The following WDR41 variants were observed in gnomAD, a reference collection of about 807,000 sequenced individuals.
WDR41 encodes WD repeat domain 41.
In WDR41, 63 loss-of-function variants were observed where a neutral mutation model predicts 69.3. The ratio of observed to expected loss-of-function variants is 0.91; its 90% confidence interval spans 0.74 to 1.12. The LOEUF (loss-of-function observed/expected upper bound fraction) is 1.12. WDR41 is among the 50% of genes most tolerant of loss of function. The pLI is 0.00. For missense variants in WDR41, 543 were observed against 534.5 expected (o/e 1.02, Z -0.16); for synonymous variants, 185 against 192.1 (o/e 0.96, Z 0.31).
intron 1 of WDR41, among the ~76,000 whole-genome samples, chr5:77,528,874 A>G (rs1287177594): frequency 1.3e-5 from 2 of 151,646 alleles, no homozygotes; most frequent in Non-Finnish European, 3.0e-5. Context: ...AACTACAATT[A>G]GAAGTGAACT....
At chr5:77,579,727 C>T (rs765088568) in intron 1 of WDR41, among the ~76,000 whole-genome samples, 5 of 152,202 alleles carry the variant, frequency 3.3e-5, no homozygotes, top group African/African-American at 7.2e-5. Flanking sequence ...AACACATGCA[C>T]TCACACACGT....
At chr5:77,561,813 CAT>C (rs1424759446) in intron 1 of WDR41, among the ~76,000 whole-genome samples, 4 of 152,250 alleles carry the variant, frequency 2.6e-5, no homozygotes, top group East Asian at 1.9e-4. Flanking sequence ...CTTAAAAACA[CAT>C]GTGTTTTCTT....
intron 1 of WDR41, among the ~76,000 whole-genome samples, chr5:77,549,427 T>C (rs755530993): frequency 3.3e-5 from 5 of 152,072 alleles, no homozygotes; most frequent in Admixed American, 6.6e-5. Flanking sequence ...ACAAAATCAA[T>C]GTACACAAAT....
At chr5:77,609,427 C>T (rs1029129288) in intron 1 of WDR41, among the ~76,000 whole-genome samples, 2 of 152,170 alleles carry the variant, frequency 1.3e-5, no homozygotes, top group Non-Finnish European at 1.5e-5. Flanking sequence ...AGACTGACAC[C>T]TCACACGGCC....
intron 1 of WDR41, among the ~76,000 whole-genome samples, chr5:77,574,112 A>G (rs1349819666): frequency 6.6e-6 from 1 of 152,140 alleles, no homozygotes; most frequent in Non-Finnish European, 1.5e-5. Context: ...AGCCTAGTCA[A>G]CATGGTAAAA....
At chr5:77,585,798 T>C (rs936334240) in intron 1 of WDR41, among the ~76,000 whole-genome samples, 1 of 152,110 alleles carries the variant, frequency 6.6e-6, no homozygotes, top group Admixed American at 6.6e-5. Context: ...ATAAGAATGA[T>C]ACCATGGACT....
intron 1 of WDR41, among the ~76,000 whole-genome samples, chr5:77,554,603 TATATA>T (rs1338010899): frequency 6.7e-6 from 1 of 149,636 alleles, no homozygotes; most frequent in Non-Finnish European, 1.5e-5. Context: ...TTGTTATTAT[TATATA>T]ATATAAATTT....
intron 8 of WDR41, among the ~76,000 whole-genome samples, chr5:77,448,445 T>C (rs1454557327): frequency 3.9e-5 from 6 of 152,004 alleles, no homozygotes; most frequent in African/African-American, 1.5e-4. Context: ...GGAGGAAGAT[T>C]TTGGAGCTGG....
intron 1 of WDR41, among the ~76,000 whole-genome samples, chr5:77,498,148 A>G (rs936947998): frequency 6.6e-6 from 1 of 152,188 alleles, no homozygotes; most frequent in African/African-American, 2.4e-5. Context: ...GACCAATGAA[A>G]AACATTTGTA....
chr5:77,509,977 T>A (rs948605444), intron 1 of WDR41, among the ~76,000 whole-genome samples: 2 of 152,198 alleles, frequency 1.3e-5, no homozygotes, highest in African/African-American at 4.8e-5. Flanking sequence ...CTTAAGAAAC[T>A]TCCCCTCACA....
At chr5:77,481,864 G>A (rs186622795) in intron 2 of WDR41, among the ~76,000 whole-genome samples, 40 of 150,308 alleles carry the variant, frequency 2.7e-4, no homozygotes, top group African/African-American at 9.5e-4. Flanking sequence ...AAGCTGATAT[G>A]TTCATGTTCA....
chr5:77,549,026 C>T (rs984355889), intron 1 of WDR41, among the ~76,000 whole-genome samples: 2 of 151,760 alleles, frequency 1.3e-5, no homozygotes, highest in Non-Finnish European at 2.9e-5. Flanking sequence ...AGTGAAGTAA[C>T]TCAGGAATGG....
At chr5:77,523,709 T>C (rs1802406543) in intron 1 of WDR41, among the ~76,000 whole-genome samples, 1 of 152,102 alleles carries the variant, frequency 6.6e-6, no homozygotes, top group Non-Finnish European at 1.5e-5. Context: ...CGATGAGAAA[T>C]GGATTTGAAT....
chr5:77,475,340 G>A (rs1474644251), intron 2 of WDR41, among the ~76,000 whole-genome samples: 1 of 152,210 alleles, frequency 6.6e-6, no homozygotes, highest in Non-Finnish European at 1.5e-5. Context: ...CTGCCTGCCT[G>A]CCTCTGTAGG....
chr5:77,479,847 T>C (rs1488040251), intron 2 of WDR41, among the ~76,000 whole-genome samples: 1 of 151,468 alleles, frequency 6.6e-6, no homozygotes, highest in East Asian at 1.9e-4. Context: ...CTAAAGAGCT[T>C]CTGCACAGCA....
chr5:77,501,130 GC>G (rs761626978), intron 1 of WDR41, among the ~76,000 whole-genome samples: 19 of 152,250 alleles, frequency 1.2e-4, no homozygotes, highest in Non-Finnish European at 2.5e-4. Flanking sequence ...GCCAAGGGAA[GC>G]CGTGACAGAC....
chr5:77,559,135 G>A (rs1041013460), intron 1 of WDR41, among the ~76,000 whole-genome samples: 2 of 152,154 alleles, frequency 1.3e-5, no homozygotes, highest in African/African-American at 2.4e-5. Flanking sequence ...TTAACAACCA[G>A]CTATATAGAG....
intron 1 of WDR41, among the ~76,000 whole-genome samples, chr5:77,614,813 A>AT (rs887866038): frequency 6.6e-6 from 1 of 151,928 alleles, no homozygotes; most frequent in African/African-American, 2.4e-5. Context: ...ATAAAATAAA[A>AT]AAAAAGAAAT....
At chr5:77,452,964 T>C (rs1376755600) in intron 6 of WDR41, 1 of 152,184 alleles carries the variant, frequency 6.6e-6, no homozygotes. Flanking sequence ...TTCATGATAA[T>C]AGTAAACAGG....
Sources: allele counts gnomAD v4.1 joint callset (sites outside exome capture counted in the v4.1 genomes callset), GRCh38; gene constraint gnomAD v4.1.1; transcripts MANE v1.5; gene names NCBI Gene and HGNC (gene_info 2026-07-23, HGNC 2026-07-21).